Variants in EFHD2 observed in about 807,000 individuals in gnomAD.
EFHD2 encodes EF-hand domain family member D2.
EFHD2 carries 12 observed loss-of-function variants against 20.3 expected under a neutral mutation model. That is an observed-to-expected ratio of 0.59 (90% CI 0.38 to 0.96). The LOEUF (loss-of-function observed/expected upper bound fraction) is 0.96. Among genes scored for constraint, EFHD2 ranks in the 40% least tolerant of loss-of-function variants. EFHD2 has a pLI of 0.00. For missense variants in EFHD2, 250 were observed against 334.3 expected, an observed-to-expected ratio of 0.75 and a Z score of 1.97; for synonymous variants, 131 against 143.9, an observed-to-expected ratio of 0.91 and a Z score of 0.64.
Position 15,429,013 on chromosome 1 carries a change from G to A in EFHD2, c.*289G>A, listed in dbSNP as rs985851662. ...CCCCTAACTGCCCCCTGCCTGCTCC[G>A]GCACTGCCCCAGGCCCAGCTCCTGG... On this transcript the variant is annotated 3_prime_UTR_variant, in exon 4 of 4. Transcript: ENST00000375980. The A allele has an allele frequency of 2.5e-5, 10 of 397,244 alleles. No homozygotes were observed. Among genetic ancestry groups the A allele is most frequent in the Non-Finnish European group, 4.8e-5 (10 of 210,318 alleles). The allele number at this position is 397,244 out of a possible 1,614,324, so 24.6% of individuals were successfully genotyped here.
chr1:15,424,259 A>G (rs1240569540), intron 1 of EFHD2, among the ~76,000 whole-genome samples: 2 of 151,738 alleles, frequency 1.3e-5, no homozygotes, highest in African/African-American at 4.8e-5. Flanking sequence ...TCTTCCTCCT[A>G]CGCTGTTCCC....
intron 1 of EFHD2, among the ~76,000 whole-genome samples, chr1:15,425,271 T>C (rs1301653848): frequency 6.6e-6 from 1 of 152,074 alleles, no homozygotes; most frequent in African/African-American, 2.4e-5. Context: ...ATGCCTGTAA[T>C]CCCCATACTT....
intron 1 of EFHD2, among the ~76,000 whole-genome samples, chr1:15,411,622 G>A (rs1237767035): frequency 2.6e-5 from 4 of 152,176 alleles, no homozygotes; most frequent in Non-Finnish European, 4.4e-5. Flanking sequence ...CTCGTTCCAC[G>A]ATCTGGGTGC....
intron 1 of EFHD2, among the ~76,000 whole-genome samples, chr1:15,419,665 G>C (rs79443248): frequency 0.02 from 3,095 of 152,296 alleles, 103 homozygotes; most frequent in African/African-American, 0.069. Flanking sequence ...AGGCTATCTG[G>C]GTGGATCTTG....
chr1:15,425,828 G>T, intron 1 of EFHD2, 43 bp from the exon 2 acceptor site: 1 of 1,592,414 alleles, frequency 6.3e-7, no homozygotes, highest in South Asian at 1.1e-5. Context: ...CGGCCTCTCT[G>T]ACTGAGCCAG....
At position 15,427,224 on chromosome 1, in the gene EFHD2, C is replaced by T. The variant is rs1216204833; in HGVS notation, c.531C>T (p.Leu177=). The change falls in exon 3 of 4, where the codon CTC becomes CTT. Residue 177 remains leucine, a synonymous_variant. Coordinates refer to ENST00000375980, the MANE Select transcript of EFHD2 (RefSeq NM_024329.6). ...GCGGGCTGTGCGTGCTGGCCCGCCT[C>T]TCTGAGATCGACGTCTCCAGTGAGG... ...EDSGLCVLAR[L]SEIDVSSEGV... is the part of the protein sequence containing the mutation. 2 of 1,609,234 alleles carry T rather than the reference C, an allele frequency of 1.2e-6. No individual in the cohort carries two copies. The highest frequency in any genetic ancestry group is 1.1e-5 in the South Asian group (1 of 89,784).
At chr1:15,410,427 G>A (rs1707461206) in intron 1 of EFHD2, 148 bp downstream of exon 1, 5 of 1,039,492 alleles carry the variant, frequency 4.8e-6, no homozygotes, top group Non-Finnish European at 6.8e-6. Context: ...TGGGGACCCG[G>A]CGGCCCCTTC....
chr1:15,420,370 C>G (rs146044986), intron 1 of EFHD2, among the ~76,000 whole-genome samples: 17 of 152,254 alleles, frequency 1.1e-4, no homozygotes, highest in African/African-American at 3.9e-4. Context: ...TAAACAAGGT[C>G]TCACTCTGTT....
At chr1:15,425,791 C>T (rs1006275557) in intron 1 of EFHD2, 80 bp from the exon 2 acceptor site, 2 of 1,534,732 alleles carry the variant, frequency 1.3e-6, no homozygotes, top group African/African-American at 1.4e-5. Flanking sequence ...GCCCTCTGAT[C>T]CCCCAGTCTC....
Position 15,426,506 on chromosome 1 carries a change from C to T in EFHD2, c.456+488C>T, listed in dbSNP as rs1333336270. Among the ~76,000 whole-genome samples the T allele has an allele frequency of 1.3e-5, 2 of 151,994 alleles. No individual in the cohort carries two copies. Among genetic ancestry groups the T allele is most frequent in the Non-Finnish European group, 2.9e-5 (2 of 68,008 alleles). Reference sequence around the variant, plus strand: ...GGAAATGGAGGCCCAAGCCAGACAGCGATGATACTGGACCCCAGGAAGTAC... The same window carrying T: ...GGAAATGGAGGCCCAAGCCAGACAGTGATGATACTGGACCCCAGGAAGTAC... On this transcript the variant is annotated intron_variant, in intron 2 of 3. Transcript: ENST00000375980. This position sits in a 1 kb window ranked among gnomAD's most constrained non-coding sequence, Gnocchi z 4.6.
At chr1:15,418,643 C>G (rs866742580) in intron 1 of EFHD2, among the ~76,000 whole-genome samples, 4 of 152,142 alleles carry the variant, frequency 2.6e-5, no homozygotes, top group Non-Finnish European at 4.4e-5. Context: ...ATAGGCCCCC[C>G]CTTAAGTAAG....
In EFHD2 at chr1:15,425,090, C is replaced by A. The variant is rs1488320520; in HGVS notation, c.309-781C>A. ...AAGGTCTGAGGTTGAGAAACCATGC[C>A]CTTGCCTGCAAGGTTCTGCCATCTA... is the stretch of plus-strand genomic sequence containing the variant. On this transcript the variant is annotated intron_variant, in intron 1 of 3. Coordinates refer to ENST00000375980, the MANE Select transcript of EFHD2 (RefSeq NM_024329.6). 2.6e-5 allele frequency among the ~76,000 whole-genome samples: 4 copies of A among 152,246 alleles called. No individual in the cohort carries two copies. In the East Asian group the frequency reaches 5.8e-4, roughly 22 times the overall value.
intron 1 of EFHD2, among the ~76,000 whole-genome samples, chr1:15,417,981 CTTTTTTTTTTTTT>C (rs57589251): frequency 1.0e-5 from 1 of 97,090 alleles, no homozygotes; most frequent in Admixed American, 1.1e-4. Flanking sequence ...CTTTCTTTTT[CTTTTTTTTTTTTT>C]TTTTTTTTTT....
chr1:15,410,639 C>T (rs1282075154), intron 1 of EFHD2, among the ~76,000 whole-genome samples: 3 of 151,994 alleles, frequency 2.0e-5, no homozygotes, highest in African/African-American at 7.3e-5. Context: ...CCCGGGCCCT[C>T]CGCGCTGTTA....
intron 1 of EFHD2, 23 bp downstream of exon 1, chr1:15,410,302 C>G: frequency 6.4e-7 from 1 of 1,560,098 alleles, no homozygotes; most frequent in Non-Finnish European, 8.6e-7. Flanking sequence ...GCGACCCGGC[C>G]CCCCGCCCGC....
intron 1 of EFHD2, among the ~76,000 whole-genome samples, chr1:15,416,826 TA>T (rs1707679434): frequency 6.6e-6 from 1 of 152,028 alleles, no homozygotes; most frequent in Admixed American, 6.6e-5. Context: ...TTTTTTTTTT[TA>T]AGAGACAGAG....
intron 1 of EFHD2, among the ~76,000 whole-genome samples, chr1:15,411,135 C>A (rs1394671046): frequency 2.0e-5 from 3 of 148,906 alleles, no homozygotes; most frequent in Admixed American, 6.7e-5. Flanking sequence ...GTGCACCCAG[C>A]AGCTTGCAGT....
chr1:15,411,588 C>A (rs1346134440), intron 1 of EFHD2, among the ~76,000 whole-genome samples: 1 of 151,774 alleles, frequency 6.6e-6, no homozygotes, highest in Non-Finnish European at 1.5e-5. Context: ...TCCCCCTGCC[C>A]CTGGCTCCTG....
intron 1 of EFHD2, among the ~76,000 whole-genome samples, chr1:15,424,783 A>G (rs966313953): frequency 2.0e-5 from 3 of 152,108 alleles, no homozygotes; most frequent in Non-Finnish European, 4.4e-5. Flanking sequence ...CCTCCTTCCC[A>G]GTACCTAGGG....
Sources: gnomAD v4.1 joint callset for allele counts (sites outside exome capture counted in the v4.1 genomes callset) on GRCh38, gnomAD v4.1.1 for gene constraint, Gnocchi (gnomAD v3.1) non-coding constraint, MANE v1.5 for transcripts, NCBI Gene and HGNC (gene_info 2026-07-23, HGNC 2026-07-21) for gene names.